Variants in NAALADL2 observed in about 807,000 individuals in gnomAD.
NAALADL2 encodes the protein N-acetylated alpha-linked acidic dipeptidase like 2.
Under a neutral mutation model 87.2 loss-of-function variants are expected in NAALADL2, and 76 were observed. The observed-to-expected ratio is 0.87, with a 90% CI of 0.72 to 1.05. NAALADL2 has a LOEUF of 1.05. Among genes scored for constraint, NAALADL2 ranks in the 50% least tolerant of loss-of-function variants. NAALADL2 has a pLI of 0.00. For missense variants in NAALADL2, 1,089 were observed against 945.8 expected, an observed-to-expected ratio of 1.15 and a Z score of -1.99; for synonymous variants, 354 against 331.0, an observed-to-expected ratio of 1.07 and a Z score of -0.75.
intron 1 of NAALADL2, among the ~76,000 whole-genome samples, chr3:175,007,444 A>G (rs1427208867): frequency 6.6e-6 from 1 of 152,216 alleles, no homozygotes; most frequent in Non-Finnish European, 1.5e-5. Context: ...TTGGGAAGAT[A>G]AAGAGATCTC....
At chr3:174,823,753 C>T (rs935504356) in intron 3 of NAALADL2, among the ~76,000 whole-genome samples, 1 of 152,032 alleles carries the variant, frequency 6.6e-6, no homozygotes, top group Non-Finnish European at 1.5e-5. Context: ...CAGAGGAAGC[C>T]AGGCTGGAGT....
chr3:174,745,887 T>C (rs1185892754), intron 3 of NAALADL2, among the ~76,000 whole-genome samples: 3 of 152,142 alleles, frequency 2.0e-5, no homozygotes, highest in Non-Finnish European at 4.4e-5. Flanking sequence ...CCTCCCTTCA[T>C]GTTAAAAACT....
intron 11 of NAALADL2, among the ~76,000 whole-genome samples, chr3:175,730,395 G>GATATATATATATATAT (rs5854656): frequency 3.6e-5 from 2 of 55,748 alleles, no homozygotes; most frequent in Admixed American, 2.3e-4. Flanking sequence ...ACTTAATACA[G>GATATATATATATATAT]ATATATATAT....
At chr3:175,105,706 T>A (rs531190579) in intron 2 of NAALADL2, among the ~76,000 whole-genome samples, 1 of 151,152 alleles carries the variant, frequency 6.6e-6, no homozygotes, top group Non-Finnish European at 1.5e-5. Flanking sequence ...TTAAACAAAT[T>A]TTATCTATGT....
At chr3:175,322,452 CA>C (rs1760028781) in intron 4 of NAALADL2, among the ~76,000 whole-genome samples, 1 of 105,224 alleles carries the variant, frequency 9.5e-6, no homozygotes, top group Non-Finnish European at 1.8e-5. Context: ...TCCAAAACAC[CA>C]AAAGCAATGG....
At chr3:175,783,981 C>T (rs1401547041) in intron 13 of NAALADL2, among the ~76,000 whole-genome samples, 1 of 140,622 alleles carries the variant, frequency 7.1e-6, no homozygotes, top group East Asian at 2.0e-4. Context: ...TTGTCTTTGG[C>T]TCTGTTTATA....
At chr3:175,506,340 G>A (rs1730308074) in intron 9 of NAALADL2, among the ~76,000 whole-genome samples, 1 of 152,122 alleles carries the variant, frequency 6.6e-6, no homozygotes, top group Admixed American at 6.6e-5. Flanking sequence ...ATTTCCGAAG[G>A]TCATCTTATA....
intron 3 of NAALADL2, among the ~76,000 whole-genome samples, chr3:175,243,626 C>T (rs1747405960): frequency 1.4e-5 from 2 of 141,426 alleles, no homozygotes; most frequent in South Asian, 2.3e-4. Context: ...ACTAGATTGC[C>T]AATTACAGCA....
At chr3:175,093,414 TTTTATA>T (rs906810942) in intron 1 of NAALADL2, among the ~76,000 whole-genome samples, 1 of 117,732 alleles carries the variant, frequency 8.5e-6, no homozygotes, top group Non-Finnish European at 1.7e-5. Flanking sequence ...CATTTTATTT[TTTTATA>T]TATATATATA....
At chr3:174,701,775 G>C (rs538370307) in intron 2 of NAALADL2, among the ~76,000 whole-genome samples, 1 of 152,210 alleles carries the variant, frequency 6.6e-6, no homozygotes, top group East Asian at 1.9e-4. Flanking sequence ...TCAAGAGATT[G>C]TTCCTTTTTT....
intron 3 of NAALADL2, among the ~76,000 whole-genome samples, chr3:174,829,162 T>G (rs149615560): frequency 0.098 from 14,892 of 151,904 alleles, 813 homozygotes; most frequent in Middle Eastern, 0.13. Flanking sequence ...ATGTACACAT[T>G]GTGCAGGTTA....
upstream of NAALADL2, among the ~76,000 whole-genome samples, chr3:174,855,379 G>A (rs1725733437): frequency 6.6e-6 from 1 of 152,072 alleles, no homozygotes. Context: ...TTCAGTGCAT[G>A]ACTATGGTGT....
chr3:175,657,221 C>T (rs555484636), intron 11 of NAALADL2, among the ~76,000 whole-genome samples: 55 of 152,072 alleles, frequency 3.6e-4, no homozygotes, highest in African/African-American at 1.2e-3. Flanking sequence ...TTGTTAAGAA[C>T]GTTGCTTGTA....
At chr3:175,801,501 C>T (rs1290370293) in intron 13 of NAALADL2, among the ~76,000 whole-genome samples, 1 of 151,998 alleles carries the variant, frequency 6.6e-6, no homozygotes, top group Non-Finnish European at 1.5e-5. Flanking sequence ...TTGCTTATGC[C>T]ATTCCTTCTG....
intron 9 of NAALADL2, among the ~76,000 whole-genome samples, chr3:175,489,489 AG>A (rs1727752703): frequency 6.6e-6 from 1 of 152,228 alleles, no homozygotes; most frequent in South Asian, 2.1e-4. Flanking sequence ...GATTCAAAAG[AG>A]AAAGACCTAA....
At chr3:174,882,533 A>ATACACACATATGTACATATG (rs1560318093) in intron 1 of NAALADL2, among the ~76,000 whole-genome samples, 34 of 148,494 alleles carry the variant, frequency 2.3e-4, no homozygotes, top group African/African-American at 7.8e-4. Context: ...ATACACATAT[A>ATACACACATATGTACATATG]TGCATACACA....
intron 11 of NAALADL2, among the ~76,000 whole-genome samples, chr3:175,709,166 C>T (rs1013043271): frequency 8.6e-5 from 13 of 152,046 alleles, no homozygotes; most frequent in African/African-American, 3.1e-4. Flanking sequence ...TGGTTAATAC[C>T]ACAAATATTT....
At chr3:175,773,919 T>C (rs569479593) in intron 13 of NAALADL2, among the ~76,000 whole-genome samples, 25 of 152,150 alleles carry the variant, frequency 1.6e-4, no homozygotes, top group Non-Finnish European at 3.2e-4. Flanking sequence ...ATATAACATA[T>C]GTGGTTTATT....
At chr3:175,585,168 A>C (rs1168300708) in intron 10 of NAALADL2, among the ~76,000 whole-genome samples, 7 of 139,046 alleles carry the variant, frequency 5.0e-5, no homozygotes, top group African/African-American at 8.8e-5. Context: ...TACTTTAAAA[A>C]ATTTTTTTTG....
Sources: allele counts gnomAD v4.1 joint callset (sites outside exome capture counted in the v4.1 genomes callset), GRCh38; gene constraint gnomAD v4.1.1; transcripts MANE v1.5; gene names NCBI Gene and HGNC (gene_info 2026-07-23, HGNC 2026-07-21).